HNF1B: variants seen among roughly 807,000 people sequenced by gnomAD.
HNF1B encodes the protein hepatocyte nuclear factor 1-beta.
HNF1B carries 8 observed loss-of-function variants against 61.7 expected under a neutral mutation model. That is an observed-to-expected ratio of 0.13 (90% CI 0.08 to 0.23). The LOEUF is 0.23. Among genes scored for constraint, HNF1B ranks in the 10% least tolerant of loss-of-function variants. The pLI, the probability that HNF1B is intolerant of heterozygous loss-of-function variation, is 1.00. For synonymous variants in HNF1B, 314 were observed against 287.7 expected, an observed-to-expected ratio of 1.09 and a Z score of -0.93; for missense variants, 562 against 714.5, an observed-to-expected ratio of 0.79 and a Z score of 2.43.
At chr17:37,700,211 G>A (rs1203462380) in intron 7 of HNF1B, among the ~76,000 whole-genome samples, 2 of 144,906 alleles carry the variant, frequency 1.4e-5, no homozygotes, top group Admixed American at 6.8e-5. Context: ...GAGAAGCCAC[G>A]ATTCCTCCCC....
At chr17:37,732,318 T>C (rs898364424) in intron 3 of HNF1B, among the ~76,000 whole-genome samples, 1 of 152,120 alleles carries the variant, frequency 6.6e-6, no homozygotes, top group African/African-American at 2.4e-5. Flanking sequence ...AAAGGCAGGC[T>C]GGGTGGGGTA....
In HNF1B at chr17:37,701,044, T is replaced by C; in HGVS notation, c.1473A>G (p.Pro491=). ...PHQQPLMQQS[P]GSHMAQQPFM... is the part of the protein sequence containing the mutation. ...AGGGCTGCTGGGCCATGTGGCTGCCTGGGCTCTGCTGCATGAGGGGCTGCT... is the reference window on the plus strand; with the variant it reads ...AGGGCTGCTGGGCCATGTGGCTGCCCGGGCTCTGCTGCATGAGGGGCTGCT... The change falls in exon 7 of 9, where the codon CCA becomes CCG. Residue 491 remains proline (P), a synonymous_variant. Coordinates refer to ENST00000617811, the MANE Select transcript of HNF1B (RefSeq NM_000458.4). 3 of 1,555,438 alleles carry C rather than the reference T, an allele frequency of 1.9e-6. No homozygotes were observed. Among genetic ancestry groups the C allele is most frequent in the Non-Finnish European group, 2.6e-6 (3 of 1,149,132 alleles).
At chr17:37,744,380 TG>T (rs1333555528) in intron 1 of HNF1B, among the ~76,000 whole-genome samples, 160 bp downstream of exon 1, 4 of 152,164 alleles carry the variant, frequency 2.6e-5, no homozygotes, top group African/African-American at 7.2e-5. Flanking sequence ...GCTAAGGGAT[TG>T]GGAAGGGTCC....
chr17:37,731,893 C>A (rs1306328029), intron 3 of HNF1B, 63 bp from the exon 4 acceptor site: 5 of 1,081,550 alleles, frequency 4.6e-6, no homozygotes, highest in Non-Finnish European at 7.0e-6. Flanking sequence ...TGGTGCTTGG[C>A]CAAAAACACA....
At position 37,744,689 on chromosome 17, in the gene HNF1B, T is replaced by C; in HGVS notation, c.196A>G (p.Thr66Ala). Residue 66 changes from threonine (T) to alanine (A), a missense_variant, in exon 1 of 9, where the codon ACC becomes GCC. Coordinates refer to ENST00000617811, the MANE Select transcript of HNF1B (RefSeq NM_000458.4). ...PDTKPVFHTL[T>A]NGHAKGRLSG... ...AAGCGGCCCTTGGCGTGGCCGTTGGTGAGAGTATGGAAGACCGGCTTGGTG... is the reference window on the plus strand; with the variant it reads ...AAGCGGCCCTTGGCGTGGCCGTTGGCGAGAGTATGGAAGACCGGCTTGGTG... 3 of 1,613,402 alleles carry C rather than the reference T, an allele frequency of 1.9e-6. No homozygotes were observed. The highest frequency in any genetic ancestry group is 2.5e-6 in the Non-Finnish European group (3 of 1,180,014).
At chr17:37,720,873 G>A (rs1444991007) in intron 4 of HNF1B, 1 of 985,316 alleles carries the variant, frequency 1.0e-6, no homozygotes, top group Non-Finnish European at 1.2e-6. Context: ...AAACCCTCTA[G>A]TTCCCCTGGC....
chr17:37,734,063 C>T (rs1020162205), intron 2 of HNF1B, among the ~76,000 whole-genome samples: 1 of 152,188 alleles, frequency 6.6e-6, no homozygotes, highest in Non-Finnish European at 1.5e-5. Flanking sequence ...CAAACATAGC[C>T]AGCTATAGTT....
chr17:37,686,704 G>C lies in HNF1B; in HGVS notation c.*668C>G, dbSNP rs1188161659. ...TGTCCAGGCCCGCGGGAGAGGACAA[G>C]GGGCTTCACTTCCCACTTAGGATGT... On this transcript the variant is annotated 3_prime_UTR_variant, in exon 9 of 9. Transcript: ENST00000617811. 1 of 172,380 alleles carries C rather than the reference G, an allele frequency of 5.8e-6. No individual in the cohort carries two copies. Among genetic ancestry groups the C allele is most frequent in the Non-Finnish European group, 1.3e-5 (1 of 78,506 alleles). The allele number at this position is 172,380 out of a possible 1,614,324, so 10.7% of individuals were successfully genotyped here.
At chr17:37,731,176 G>A (rs1418008675) in intron 4 of HNF1B, 6 of 307,008 alleles carry the variant, frequency 2.0e-5, no homozygotes, top group Middle Eastern at 1.1e-3. Flanking sequence ...GCAGGATATG[G>A]CCAGAGATGG....
At chr17:37,720,005 G>A (rs995961927) in intron 4 of HNF1B, among the ~76,000 whole-genome samples, 6 of 152,066 alleles carry the variant, frequency 3.9e-5, no homozygotes, top group Non-Finnish European at 8.8e-5. Context: ...CCATCATCAT[G>A]ACAGATAGCT....
In HNF1B at chr17:37,695,773, G is replaced by A. The variant is rs538527167; in HGVS notation, c.1653+3303C>T. Among the ~76,000 whole-genome samples the A allele has an allele frequency of 3.3e-5, 5 of 152,302 alleles. No individual in the cohort carries two copies. The South Asian group carries it at 1.0e-3, about 32-fold the overall frequency. On this transcript the variant is annotated intron_variant, in intron 8 of 8. Transcript: ENST00000617811. ...TCTTTTGGCCAATTTATTTCTTTTG[G>A]GATGGGAACGTCTGCCCAATGCCTG...
intron 4 of HNF1B, among the ~76,000 whole-genome samples, chr17:37,714,309 C>T (rs953503475): frequency 6.6e-6 from 1 of 152,208 alleles, no homozygotes; most frequent in African/African-American, 2.4e-5. Flanking sequence ...GAGCACCTAC[C>T]ATGTGCCAGG....
rs1213958093 is a variant in HNF1B at position 37,744,695 on chromosome 17, T to A, written c.190A>T (p.Thr64Ser). Reference sequence around the variant, plus strand: ...CCCTTGGCGTGGCCGTTGGTGAGAGTATGGAAGACCGGCTTGGTGTCGGGC... The same window carrying A: ...CCCTTGGCGTGGCCGTTGGTGAGAGAATGGAAGACCGGCTTGGTGTCGGGC... Reference protein sequence around the residue: ...AEPDTKPVFHTLTNGHAKGRL... With the variant: ...AEPDTKPVFHSLTNGHAKGRL... The change falls in exon 1 of 9, where the codon ACT becomes TCT. Residue 64 changes from threonine (T) to serine (S), a missense_variant. Coordinates refer to ENST00000617811, the MANE Select transcript of HNF1B (RefSeq NM_000458.4). 1 of 1,613,150 alleles carries A rather than the reference T, an allele frequency of 6.2e-7. No homozygotes were observed. The highest frequency in any genetic ancestry group is 8.5e-7 in the Non-Finnish European group (1 of 1,179,960).
chr17:37,687,185 T>G lies in HNF1B; in HGVS notation c.*187A>C. 1 of 867,092 alleles carries G rather than the reference T, an allele frequency of 1.2e-6. No individual in the cohort carries two copies. Among genetic ancestry groups the G allele is most frequent in the Non-Finnish European group, 1.9e-6 (1 of 535,588 alleles). The allele number at this position is 867,092 out of a possible 1,614,324, so 53.7% of individuals were successfully genotyped here. ...TGGCAATACTGCATAGAAGGGAAAC[T>G]GGGCTTCGGGCTGCGCCTCCTGAGA... is the stretch of plus-strand genomic sequence containing the variant. On this transcript the variant is annotated 3_prime_UTR_variant, in exon 9 of 9. Coordinates refer to ENST00000617811, the MANE Select transcript of HNF1B (RefSeq NM_000458.4).
chr17:37,730,007 T>G (rs2033635059), intron 4 of HNF1B: 1 of 153,396 alleles, frequency 6.5e-6, no homozygotes, highest in Non-Finnish European at 1.5e-5. Flanking sequence ...CTGGGTCTCC[T>G]GTCAGCACAC....
At chr17:37,711,060 T>C (rs1248007768) in intron 4 of HNF1B, among the ~76,000 whole-genome samples, 1 of 152,232 alleles carries the variant, frequency 6.6e-6, no homozygotes, top group Non-Finnish European at 1.5e-5. Context: ...TGGAGTATTT[T>C]TTATTCTTTA....
At chr17:37,739,238 A>AG (rs1465898751) in intron 2 of HNF1B, among the ~76,000 whole-genome samples, 1 of 152,212 alleles carries the variant, frequency 6.6e-6, no homozygotes, top group African/African-American at 2.4e-5. Context: ...CTGGCTGGGT[A>AG]GCAAGGGGGC....
intron 3 of HNF1B, among the ~76,000 whole-genome samples, chr17:37,732,845 T>G (rs1287151030): frequency 6.5e-5 from 8 of 123,870 alleles, no homozygotes; most frequent in African/African-American, 2.8e-4. Flanking sequence ...TTTTTTGTTT[T>G]TTTGTTTTTT....
At chr17:37,698,248 A>AC (rs1178973876) in intron 8 of HNF1B, among the ~76,000 whole-genome samples, 2 of 151,738 alleles carry the variant, frequency 1.3e-5, no homozygotes, top group African/African-American at 2.4e-5. Flanking sequence ...CACTGCACAG[A>AC]CCCCAGCTAC....
Sources: gnomAD v4.1 joint callset for allele counts (sites outside exome capture counted in the v4.1 genomes callset) on GRCh38, gnomAD v4.1.1 for gene constraint, MANE v1.5 for transcripts, NCBI Gene and HGNC (gene_info 2026-07-23, HGNC 2026-07-21) for gene names.